Variants in RBBP8 observed in about 807,000 individuals in gnomAD.
RBBP8 encodes the protein DNA endonuclease RBBP8.
Under a neutral mutation model 108.3 loss-of-function variants are expected in RBBP8, and 88 were observed. The ratio of observed to expected loss-of-function variants is 0.81; its 90% confidence interval spans 0.68 to 0.97. The LOEUF (loss-of-function observed/expected upper bound fraction) is 0.97, where lower values mean the gene tolerates loss of function less well. Ranked by LOEUF, RBBP8 falls within the 50% of genes least tolerant of loss-of-function variation. RBBP8 has a pLI of 0.00. For missense variants in RBBP8, 1,023 were observed against 1,049.0 expected (o/e 0.98, Z 0.34); for synonymous variants, 332 against 348.2 (o/e 0.95, Z 0.52).
chr18:23,022,061 G>A lies in RBBP8; in HGVS notation c.2455-68G>A, dbSNP rs188960484. ...AAATGGCTTTTTTAGCTTCTAGTTT[G>A]TAATCAATAAGCATAACACTCCATT... On this transcript the variant is annotated intron_variant, in intron 17 of 18. Coordinates refer to ENST00000327155, the MANE Select transcript of RBBP8 (RefSeq NM_002894.3). The A allele has an allele frequency of 2.7e-3, 3,537 of 1,307,550 alleles. 57 individuals are homozygous for A. The highest frequency in any genetic ancestry group is 0.025 in the South Asian group (2,068 of 83,744). The allele number at this position is 1,307,550 out of a possible 1,614,324, so 81.0% of individuals were successfully genotyped here. A position where few individuals can be genotyped will look rare whatever the true frequency, so the allele number is the denominator to read the frequency against.
At position 22,975,386 on chromosome 18, in the gene RBBP8, G is replaced by A. The variant is rs75468998; in HGVS notation, c.428+167G>A. Among the ~76,000 whole-genome samples, 7,423 of 152,086 alleles carry A rather than the reference G, an allele frequency of 0.049. 354 individuals carry two copies. The highest frequency in any genetic ancestry group is 0.12 in the African/African-American group (5,095 of 41,482). ...TGTGTTTTGAGAGTATAGTGTGAAT[G>A]CATCTCTTAGATTAGTGCTTGAAGA... On this transcript the variant is annotated intron_variant, in intron 6 of 18. Transcript: ENST00000327155.
intron 7 of RBBP8, among the ~76,000 whole-genome samples, chr18:22,982,976 G>T (rs1207995654): frequency 1.3e-5 from 2 of 152,188 alleles, no homozygotes; most frequent in African/African-American, 4.8e-5. Flanking sequence ...TGCCATTGGA[G>T]CTGTCTGTAA....
At position 23,021,147 on chromosome 18, in the gene RBBP8, C is replaced by T. The variant is rs2046340485; in HGVS notation, c.2455-982C>T. Reference sequence around the variant, plus strand: ...TAAATATGTGATTCTGGGTGGCTCACACCTGTAATCCCAGCACTTTGGGAG... The same window carrying T: ...TAAATATGTGATTCTGGGTGGCTCATACCTGTAATCCCAGCACTTTGGGAG... On this transcript the variant is annotated intron_variant, in intron 17 of 18. Coordinates refer to ENST00000327155, the MANE Select transcript of RBBP8 (RefSeq NM_002894.3). Among the ~76,000 whole-genome samples the T allele has an allele frequency of 2.0e-5, 3 of 152,136 alleles. No homozygotes were observed. The South Asian group carries it at 6.2e-4, about 32-fold the overall frequency.
rs181001617 is a variant in RBBP8 at position 23,023,255 on chromosome 18, A to C, written c.2596+985A>C. ...AAAAATTACCAGGAAAGTTATATTT[A>C]AAAAGAGAGAATCTTAAAATCTACT... On this transcript the variant is annotated intron_variant, in intron 18 of 18. Transcript: ENST00000327155. Among the ~76,000 whole-genome samples the C allele has an allele frequency of 7.9e-5, 12 of 152,322 alleles. No individual in the cohort carries two copies. The East Asian group carries it at 1.7e-3, about 22-fold the overall frequency.
intron 4 of RBBP8, among the ~76,000 whole-genome samples, chr18:22,968,494 C>T (rs1050529518): frequency 6.6e-6 from 1 of 152,106 alleles, no homozygotes; most frequent in Non-Finnish European, 1.5e-5. Flanking sequence ...ATAATTCTAC[C>T]CCTTGGTATT....
At chr18:22,987,984 A>G (rs1915445813) in intron 8 of RBBP8, among the ~76,000 whole-genome samples, 1 of 152,190 alleles carries the variant, frequency 6.6e-6, no homozygotes, top group Non-Finnish European at 1.5e-5. Flanking sequence ...TTGCAATCTC[A>G]GTGAATGACA....
Position 22,993,215 on chromosome 18 carries a change from C to T in RBBP8, c.1388C>T (p.Ala463Val). ...GAACATGAAGTAAGCTGCCCCCAAGCTTCTTTTGATAAAGAAAATGCTTTC... is the reference window on the plus strand; with the variant it reads ...GAACATGAAGTAAGCTGCCCCCAAGTTTCTTTTGATAAAGAAAATGCTTTC... The part of the protein sequence containing the change: ...ESEHEVSCPQ[A>V]SFDKENAFPF... The change falls in exon 11 of 19, where the codon GCT (alanine) becomes GTT (valine). Residue 463 changes from alanine to valine, a missense_variant. Physicochemically the swap from Ala to Val is moderately conservative, Grantham distance 64. Transcript: ENST00000327155. The T allele has an allele frequency of 1.2e-6, 2 of 1,614,202 alleles. No individual in the cohort carries two copies. The highest frequency in any genetic ancestry group is 8.5e-7 in the Non-Finnish European group (1 of 1,180,024).
At chr18:22,960,638 C>T (rs188436604) in intron 4 of RBBP8, among the ~76,000 whole-genome samples, 2 of 152,260 alleles carry the variant, frequency 1.3e-5, no homozygotes, top group East Asian at 1.9e-4. Context: ...TTCAGTCATC[C>T]AAGCTGGGGC....
In RBBP8 at chr18:23,006,187, G is replaced by GA. The variant is rs774964524; in HGVS notation, c.2288-163dup. 1.0e-3 allele frequency among the ~76,000 whole-genome samples: 140 copies of GA among 137,084 alleles called. 2 individuals are homozygous for GA. The highest frequency in any genetic ancestry group is 2.3e-3 in the South Asian group (10 of 4,302). The allele number at this position is 137,084 out of a possible 152,430, so 89.9% of individuals were successfully genotyped here. On this transcript the variant is annotated intron_variant, in intron 15 of 18. Coordinates refer to ENST00000327155, the MANE Select transcript of RBBP8 (RefSeq NM_002894.3). ...AGCAACAGAGCAAGACACCGGCTCA[G>GA]AAAAAAAAAAAAATAGTTACAAAGT...
intron 4 of RBBP8, chr18:22,950,100 G>A (rs1368418918): frequency 5.7e-6 from 1 of 176,412 alleles, no homozygotes. Context: ...TCACTTTGAG[G>A]GAGTCTAGGG....
At chr18:22,997,778 G>A (rs760071086) in intron 14 of RBBP8, 44 bp downstream of exon 14, 24 of 1,351,776 alleles carry the variant, frequency 1.8e-5, no homozygotes, top group Non-Finnish European at 2.3e-5. Context: ...ATAACGTTGT[G>A]TGAAGTTTGT....
chr18:22,976,555 T>A (rs1215816073), intron 6 of RBBP8, among the ~76,000 whole-genome samples: 3 of 152,158 alleles, frequency 2.0e-5, no homozygotes, highest in Non-Finnish European at 2.9e-5. Context: ...TGTGTTTGAT[T>A]ACAGGATGAT....
In RBBP8 at chr18:23,022,124, A is replaced by G. The variant is rs751596921; in HGVS notation, c.2455-5A>G. The G allele has an allele frequency of 2.0e-5, 32 of 1,589,284 alleles. No individual in the cohort carries two copies. Among genetic ancestry groups the G allele is most frequent in the South Asian group, 1.2e-4 (11 of 90,466 alleles). On this transcript the variant is annotated splice_region_variant and splice_polypyrimidine_tract_variant and intron_variant, in intron 17 of 18. Coordinates refer to ENST00000327155, the MANE Select transcript of RBBP8 (RefSeq NM_002894.3). ...GTGAAAAAACTTACCAGTTTTTATTATTAGTATTATGCAGATATGCCAGCA... is the reference window on the plus strand; with the variant it reads ...GTGAAAAAACTTACCAGTTTTTATTGTTAGTATTATGCAGATATGCCAGCA...
At chr18:23,018,549 C>T (rs558736863) in intron 17 of RBBP8, among the ~76,000 whole-genome samples, 3 of 152,300 alleles carry the variant, frequency 2.0e-5, no homozygotes, top group East Asian at 1.9e-4. Flanking sequence ...TGGCATAGTA[C>T]TTGCCTATAA....
intron 3 of RBBP8, among the ~76,000 whole-genome samples, chr18:22,928,314 G>A (rs907153146): frequency 2.0e-5 from 3 of 152,090 alleles, no homozygotes; most frequent in Admixed American, 6.5e-5. Flanking sequence ...GGTGTTAAGT[G>A]CAATGATAAA....
chr18:22,966,305 T>A (rs895937438), intron 4 of RBBP8, among the ~76,000 whole-genome samples: 22 of 152,236 alleles, frequency 1.4e-4, no homozygotes, highest in African/African-American at 5.3e-4. Context: ...CAGACTGCAT[T>A]CCACTTAAAT....
chr18:22,978,879 GT>G (rs1034541980), intron 6 of RBBP8, among the ~76,000 whole-genome samples: 1 of 152,208 alleles, frequency 6.6e-6, no homozygotes, highest in Admixed American at 6.5e-5. Flanking sequence ...AGTGATAGAT[GT>G]TAATTAGCTT....
intron 6 of RBBP8, among the ~76,000 whole-genome samples, chr18:22,980,370 G>A (rs1914820443): frequency 6.6e-6 from 1 of 152,176 alleles, no homozygotes; most frequent in Non-Finnish European, 1.5e-5. Context: ...TGTGAAGGGA[G>A]GTTGCAATTT....
At chr18:22,979,962 G>A (rs908702152) in intron 6 of RBBP8, among the ~76,000 whole-genome samples, 8 of 152,068 alleles carry the variant, frequency 5.3e-5, no homozygotes, top group African/African-American at 1.9e-4. Flanking sequence ...TAAATAAATT[G>A]CAGCTGGGCG....
Sources: gnomAD v4.1 joint callset for allele counts (sites outside exome capture counted in the v4.1 genomes callset) on GRCh38, gnomAD v4.1.1 for gene constraint, MANE v1.5 for transcripts, NCBI Gene and HGNC (gene_info 2026-07-23, HGNC 2026-07-21) for gene names.